The following WDR59 variants were observed in gnomAD, a reference collection of about 807,000 sequenced individuals.
The protein encoded by WDR59 is WD repeat domain 59.
Under a neutral mutation model 131.2 loss-of-function variants are expected in WDR59, and 100 were observed. That is an observed-to-expected ratio of 0.76 (90% confidence interval 0.65 to 0.90). The LOEUF is 0.90. WDR59 is among the 40% of genes least tolerant of loss of function. The probability of loss-of-function intolerance (pLI) is 0.00; values close to 1 mark genes in which losing one functional copy is unlikely to be tolerated. For missense variants in WDR59, 1,203 were observed against 1,262.2 expected (o/e 0.95, Z 0.71); for synonymous variants, 601 against 466.2 (o/e 1.29, Z -3.72).
chr16:74,931,385 G>C (rs923638785), intron 8 of WDR59, among the ~76,000 whole-genome samples: 4 of 151,960 alleles, frequency 2.6e-5, no homozygotes, highest in Admixed American at 6.6e-5. Context: ...AGGCAGGTTG[G>C]AGTGCAGCGG....
chr16:74,878,604 C>G (rs1299405065), intron 25 of WDR59, among the ~76,000 whole-genome samples: 1 of 152,206 alleles, frequency 6.6e-6, no homozygotes, highest in African/African-American at 2.4e-5. Context: ...CAAGACTGTA[C>G]CTCTGCACTC....
At chr16:74,943,056 G>C (rs937930552) in intron 6 of WDR59, among the ~76,000 whole-genome samples, 2 of 152,078 alleles carry the variant, frequency 1.3e-5, no homozygotes, top group Admixed American at 6.6e-5. Context: ...TAATCTCAGG[G>C]GAAAAAATCT....
At position 74,941,134 on chromosome 16, in the gene WDR59, CAG is replaced by C. The variant is rs576063697; in HGVS notation, c.534+1602_534+1603del. ...CTGAGGTGGGAGGATCGCTTGACCC[CAG>C]GAGTTCGAGGTCAGCTTCAGCAACC... On this transcript the variant is annotated intron_variant, in intron 7 of 25. Transcript: ENST00000262144. Among the ~76,000 whole-genome samples, 197 of 151,512 alleles carry C rather than the reference CAG, an allele frequency of 1.3e-3. 2 individuals carry two copies. The South Asian group carries it at 0.022, about 17-fold the overall frequency.
chr16:74,882,029 A>C (rs980645715), intron 25 of WDR59, among the ~76,000 whole-genome samples: 4 of 152,134 alleles, frequency 2.6e-5, no homozygotes, highest in African/African-American at 9.7e-5. Flanking sequence ...CTTAACTATC[A>C]TTAAGTCTTC....
chr16:74,980,907 G>A (rs1194829100), intron 1 of WDR59, among the ~76,000 whole-genome samples: 2 of 151,870 alleles, frequency 1.3e-5, no homozygotes. Flanking sequence ...GGAGGTGACA[G>A]CGAGCTGAGA....
intron 9 of WDR59, among the ~76,000 whole-genome samples, chr16:74,922,566 G>C (rs981025057): frequency 2.0e-5 from 3 of 151,946 alleles, no homozygotes; most frequent in South Asian, 2.1e-4. Flanking sequence ...TCACCTTCCC[G>C]CCCCCCCGGC....
intron 8 of WDR59, among the ~76,000 whole-genome samples, chr16:74,925,224 A>T (rs1396783777): frequency 6.6e-6 from 1 of 152,184 alleles, no homozygotes; most frequent in Non-Finnish European, 1.5e-5. Flanking sequence ...GTTGAATGAA[A>T]AAAAGACAAC....
At chr16:74,900,891 G>A (rs1463232905) in intron 18 of WDR59, among the ~76,000 whole-genome samples, 1 of 152,250 alleles carries the variant, frequency 6.6e-6, no homozygotes, top group Non-Finnish European at 1.5e-5. Context: ...GGCCAAGGCA[G>A]GTGGATCACC....
chr16:74,970,495 CAAAAAAAAAA>C (rs746574195), intron 1 of WDR59, among the ~76,000 whole-genome samples: 1,823 of 33,042 alleles, frequency 0.055, 59 homozygotes, highest in Admixed American at 0.2. Flanking sequence ...ACTCTGTCTC[CAAAAAAAAAA>C]AAAAAAAAAA....
At chr16:74,958,614 A>AC (rs2033416202) in intron 2 of WDR59, among the ~76,000 whole-genome samples, 1 of 141,958 alleles carries the variant, frequency 7.0e-6, no homozygotes, top group African/African-American at 2.6e-5. Context: ...AAAAAAAAAA[A>AC]AAAAAACAAG....
chr16:74,961,544 T>C (rs2033567846), intron 2 of WDR59, among the ~76,000 whole-genome samples: 1 of 152,174 alleles, frequency 6.6e-6, no homozygotes, highest in Admixed American at 6.5e-5. Flanking sequence ...TCTCTAATGA[T>C]CAGTAATGAT....
chr16:74,925,949 C>T (rs2030747260), intron 8 of WDR59, among the ~76,000 whole-genome samples: 2 of 149,706 alleles, frequency 1.3e-5, no homozygotes, highest in Admixed American at 1.3e-4. Context: ...CATACCACTG[C>T]ACTCCAGTGT....
At chr16:74,895,176 G>A (rs138977673) in intron 18 of WDR59, among the ~76,000 whole-genome samples, 1 of 152,306 alleles carries the variant, frequency 6.6e-6, no homozygotes, top group Non-Finnish European at 1.5e-5. Context: ...AAATGAAGAA[G>A]TTTAGCTGAA....
At chr16:74,968,453 G>T (rs758475583) in intron 1 of WDR59, among the ~76,000 whole-genome samples, 1 of 152,182 alleles carries the variant, frequency 6.6e-6, no homozygotes, top group Non-Finnish European at 1.5e-5. Context: ...GGGTGCAGTA[G>T]CTCACACCTG....
At chr16:74,877,204 G>A (rs1964256026) in intron 25 of WDR59, among the ~76,000 whole-genome samples, 1 of 151,986 alleles carries the variant, frequency 6.6e-6, no homozygotes. Context: ...AAAGTTAAAA[G>A]ATTTAAATTT....
At chr16:74,919,405 A>G (rs1366743446) in intron 10 of WDR59, among the ~76,000 whole-genome samples, 2 of 151,462 alleles carry the variant, frequency 1.3e-5, no homozygotes, top group Non-Finnish European at 2.9e-5. Flanking sequence ...ATCTGAGCTC[A>G]CTGCAACAAC....
At chr16:74,981,650 A>T (rs1287286346) in intron 1 of WDR59, among the ~76,000 whole-genome samples, 1,706 of 4,880 alleles carry the variant, frequency 0.35, 203 homozygotes, top group Middle Eastern at 0.5. Flanking sequence ...ATATATATAT[A>T]TATATATATA....
chr16:74,891,012 G>A (rs543276308), intron 20 of WDR59, among the ~76,000 whole-genome samples: 4 of 151,698 alleles, frequency 2.6e-5, no homozygotes, highest in African/African-American at 9.7e-5. Context: ...TACTTGGGAG[G>A]CTGAGGCAGA....
At chr16:74,976,773 T>A (rs1366477929) in intron 1 of WDR59, among the ~76,000 whole-genome samples, 1 of 152,106 alleles carries the variant, frequency 6.6e-6, no homozygotes, top group Non-Finnish European at 1.5e-5. Context: ...TTAAAAAGAA[T>A]TTGGGAGGCC....
Sources: allele counts gnomAD v4.1 joint callset (sites outside exome capture counted in the v4.1 genomes callset), GRCh38; gene constraint gnomAD v4.1.1; transcripts MANE v1.5; gene names NCBI Gene and HGNC (gene_info 2026-07-23, HGNC 2026-07-21).